Variants in ZFHX3 observed in about 807,000 individuals in gnomAD.
ZFHX3 encodes the protein zinc finger homeobox 3, also known as zinc finger homeobox protein 3.
Under a neutral mutation model 279.1 loss-of-function variants are expected in ZFHX3, and 42 were observed. The ratio of observed to expected loss-of-function variants is 0.15; its 90% confidence interval spans 0.12 to 0.19. The LOEUF (loss-of-function observed/expected upper bound fraction) is 0.19, where lower values mean the gene tolerates loss of function less well. ZFHX3 is among the 10% of genes least tolerant of loss of function. ZFHX3 has a pLI of 1.00. For missense variants in ZFHX3, 4,981 were observed against 4,754.0 expected (o/e 1.05, Z -1.40); for synonymous variants, 2,293 against 1,957.8 (o/e 1.17, Z -4.52).
At chr16:73,037,350 G>A (rs1964946499) in intron 1 of ZFHX3, among the ~76,000 whole-genome samples, 1 of 152,172 alleles carries the variant, frequency 6.6e-6, no homozygotes. Context: ...ATGACTCAGA[G>A]GAGATATGAA....
chr16:73,418,435 G>A (rs891155321), intron 3 of ZFHX3, among the ~76,000 whole-genome samples: 1 of 152,202 alleles, frequency 6.6e-6, no homozygotes, highest in Admixed American at 6.5e-5. Flanking sequence ...AAGGAGTGGT[G>A]GGGGGAAGAG....
At chr16:73,433,548 A>G (rs1312487595) in intron 3 of ZFHX3, among the ~76,000 whole-genome samples, 1 of 152,052 alleles carries the variant, frequency 6.6e-6, no homozygotes, top group Non-Finnish European at 1.5e-5. Context: ...CTGGCAACCG[A>G]CGCCCACCCC....
intron 4 of ZFHX3, among the ~76,000 whole-genome samples, chr16:73,282,821 A>G (rs977123966): frequency 2.6e-5 from 4 of 152,162 alleles, no homozygotes; most frequent in Non-Finnish European, 5.9e-5. Flanking sequence ...GTTGCATAAA[A>G]TTGTCTTCCT....
At chr16:73,236,284 T>C (rs1386799068) in intron 5 of ZFHX3, among the ~76,000 whole-genome samples, 2 of 152,198 alleles carry the variant, frequency 1.3e-5, no homozygotes, top group Non-Finnish European at 2.9e-5. Context: ...AGGCATGATG[T>C]AATGCCATCT....
intron 1 of ZFHX3, among the ~76,000 whole-genome samples, chr16:72,971,758 A>G (rs1428947177): frequency 6.6e-6 from 1 of 152,036 alleles, no homozygotes; most frequent in Non-Finnish European, 1.5e-5. Flanking sequence ...TTATTTTTAA[A>G]AGTCCGTTTG....
At chr16:73,568,763 C>T (rs1187422807) in intron 2 of ZFHX3, among the ~76,000 whole-genome samples, 1 of 152,138 alleles carries the variant, frequency 6.6e-6, no homozygotes, top group African/African-American at 2.4e-5. Context: ...TCCGGGGTCT[C>T]ATCCTCTTGC....
At chr16:73,006,443 T>G (rs563357054) in intron 1 of ZFHX3, among the ~76,000 whole-genome samples, 5 of 152,056 alleles carry the variant, frequency 3.3e-5, no homozygotes, top group Admixed American at 3.3e-4. Flanking sequence ...GACAACATAG[T>G]GAGACCCCAA....
chr16:73,619,072 G>A (rs1028270086), intron 2 of ZFHX3, among the ~76,000 whole-genome samples: 1 of 152,144 alleles, frequency 6.6e-6, no homozygotes, highest in Non-Finnish European at 1.5e-5. Context: ...TTTAAGATGG[G>A]AAGATAAGAA....
chr16:73,140,778 C>T (rs563274902), intron 6 of ZFHX3, among the ~76,000 whole-genome samples: 42 of 152,232 alleles, frequency 2.8e-4, no homozygotes, highest in Admixed American at 9.2e-4. Context: ...CAATTGAACC[C>T]GGGAGGTGGA....
chr16:73,342,321 T>C (rs1209135875), intron 3 of ZFHX3, among the ~76,000 whole-genome samples: 1 of 152,208 alleles, frequency 6.6e-6, no homozygotes. Context: ...GGAATTCACC[T>C]AGGTAATTTA....
intron 1 of ZFHX3, among the ~76,000 whole-genome samples, chr16:73,788,164 A>G (rs1959710586): frequency 6.6e-6 from 1 of 152,198 alleles, no homozygotes; most frequent in African/African-American, 2.4e-5. Context: ...AGGCTTCAGT[A>G]GAGAAAGACA....
intron 3 of ZFHX3, among the ~76,000 whole-genome samples, chr16:72,930,984 T>A (rs1293167483): frequency 2.6e-5 from 4 of 152,256 alleles, no homozygotes; most frequent in Non-Finnish European, 5.9e-5. Context: ...TTTCTTCATT[T>A]GTGTTCAAAT....
chr16:73,710,055 C>T lies in ZFHX3; in HGVS notation c.-1607-29815G>A, dbSNP rs903911345. ...AAAAATTGGCTGGTGTGGTAGCGGG[C>T]GCCTATAATCCCAGCTACTCGGGAG... is the stretch of plus-strand genomic sequence containing the variant. On this transcript the variant is annotated intron_variant, in intron 1 of 17. Coordinates refer to the ZFHX3 transcript ENST00000641206. Among the ~76,000 whole-genome samples the T allele has an allele frequency of 7.9e-5, 12 of 152,028 alleles. No individual in the cohort carries two copies. In the East Asian group the frequency reaches 2.1e-3, roughly 27 times the overall value.
chr16:72,833,574 T>A (rs1443623391), intron 4 of ZFHX3, among the ~76,000 whole-genome samples: 2 of 152,080 alleles, frequency 1.3e-5, no homozygotes, highest in East Asian at 3.9e-4. Flanking sequence ...AACAGACAAA[T>A]CAAAACCATC....
intron 2 of ZFHX3, chr16:73,483,488 C>A (rs2018910631): frequency 4.7e-6 from 2 of 422,740 alleles, no homozygotes; most frequent in Non-Finnish European, 9.3e-6. Context: ...AATGGCAGTT[C>A]CGTCAGCCTC....
rs374746997 is a variant in ZFHX3, at chr16:73,791,146, G to T, written c.-1608+100505C>A. Among the ~76,000 whole-genome samples the T allele has an allele frequency of 4.3e-4, 65 of 152,028 alleles. No individual in the cohort carries two copies. The East Asian group carries it at 7.4e-3, about 17-fold the overall frequency. On this transcript the variant is annotated intron_variant, in intron 1 of 17. Transcript: ENST00000641206. ...CACCTGGCTAATTTTTCTATTTTTT[G>T]TAGAGACAGGATCTTGCTGTGTTGC...
At chr16:73,428,845 A>C (rs1226689518) in intron 3 of ZFHX3, among the ~76,000 whole-genome samples, 1 of 152,166 alleles carries the variant, frequency 6.6e-6, no homozygotes, top group African/African-American at 2.4e-5. Flanking sequence ...GAAGACAGTA[A>C]TTATTGGAAC....
chr16:73,062,919 T>C (rs537397746), upstream of ZFHX3, among the ~76,000 whole-genome samples: 1 of 152,346 alleles, frequency 6.6e-6, no homozygotes, highest in South Asian at 2.1e-4. Flanking sequence ...CCACAACATA[T>C]GGATTCCATA....
intron 2 of ZFHX3, among the ~76,000 whole-genome samples, chr16:73,467,993 A>G (rs187398952): frequency 3.9e-4 from 59 of 152,358 alleles, no homozygotes; most frequent in Middle Eastern, 3.4e-3. Flanking sequence ...TTAATGCCCA[A>G]TGAAATAGAT....
Sources: allele counts gnomAD v4.1 joint callset (sites outside exome capture counted in the v4.1 genomes callset), GRCh38; gene constraint gnomAD v4.1.1; transcripts MANE v1.5; gene names NCBI Gene and HGNC (gene_info 2026-07-23, HGNC 2026-07-21).